SLC45A4: variants seen among roughly 807,000 people sequenced by gnomAD.
SLC45A4 encodes the protein solute carrier family 45 member 4, also known as polyamine-transporter SLC45A4.
Under a neutral mutation model 63.7 loss-of-function variants are expected in SLC45A4, and 32 were observed. The ratio of observed to expected loss-of-function variants is 0.50; its 90% confidence interval spans 0.38 to 0.67. The LOEUF (loss-of-function observed/expected upper bound fraction) is 0.67. Ranked by LOEUF, SLC45A4 falls within the 30% of genes least tolerant of loss-of-function variation. The pLI, the probability that SLC45A4 is intolerant of heterozygous loss-of-function variation, is 0.00. For synonymous variants in SLC45A4, 535 were observed against 510.0 expected (o/e 1.05, Z -0.66); for missense variants, 1,027 against 1,157.7 (o/e 0.89, Z 1.64).
intron 2 of SLC45A4, among the ~76,000 whole-genome samples, chr8:141,253,577 T>C (rs1164479003): frequency 6.6e-6 from 1 of 152,196 alleles, no homozygotes; most frequent in African/African-American, 2.4e-5. Flanking sequence ...AATCAGAGTG[T>C]GGCACAGAAG....
chr8:141,234,361 TC>T (rs770000334), intron 2 of SLC45A4, among the ~76,000 whole-genome samples: 1 of 152,318 alleles, frequency 6.6e-6, no homozygotes, highest in Non-Finnish European at 1.5e-5. Flanking sequence ...CTTGGGCTCT[TC>T]CCAGGACTGA....
Position 141,256,591 on chromosome 8 carries a change from T to C in SLC45A4, c.-400-1962A>G, listed in dbSNP as rs1280147103. The C allele has an allele frequency of 4.4e-6, 2 of 456,158 alleles. No homozygotes were observed. The highest frequency in any genetic ancestry group is 8.8e-6 in the Non-Finnish European group (2 of 226,962). The allele number at this position is 456,158 out of a possible 1,614,324, so 28.3% of individuals were successfully genotyped here. Reference sequence around the variant, plus strand: ...GGAAGGAAGCCGTGCGCCTGGCTCTTACGTCCCAGCTCTTCCCTACATCTT... The same window carrying C: ...GGAAGGAAGCCGTGCGCCTGGCTCTCACGTCCCAGCTCTTCCCTACATCTT... On this transcript the variant is annotated intron_variant, in intron 1 of 8. Coordinates refer to ENST00000517878, the MANE Select transcript of SLC45A4 (RefSeq NM_001286646.2). The surrounding 1 kb of genome is among the most constrained non-coding windows in gnomAD (Gnocchi z 4.3).
At chr8:141,244,655 A>C (rs375237179) in intron 2 of SLC45A4, among the ~76,000 whole-genome samples, 1 of 152,198 alleles carries the variant, frequency 6.6e-6, no homozygotes, top group African/African-American at 2.4e-5. Flanking sequence ...TGTGAGCAGT[A>C]AACAGCTGCA....
At chr8:141,302,768 T>C (rs1055364307) in intron 1 of SLC45A4, among the ~76,000 whole-genome samples, 12 of 152,178 alleles carry the variant, frequency 7.9e-5, no homozygotes, top group Admixed American at 1.3e-4. Context: ...GCAGTCCCCC[T>C]CGCCTCGTGT....
chr8:141,228,632 G>C, intron 2 of SLC45A4: 1 of 1,076,894 alleles, frequency 9.3e-7, no homozygotes, highest in African/African-American at 1.6e-5. Context: ...AAACATCTTT[G>C]TGATGACACA....
chr8:141,222,832 G>A (rs777974783), intron 2 of SLC45A4, among the ~76,000 whole-genome samples: 16 of 152,218 alleles, frequency 1.1e-4, no homozygotes, highest in Non-Finnish European at 1.9e-4. Flanking sequence ...CTTGGCAGGG[G>A]GCAGGGGGCA....
chr8:141,276,505 G>A (rs2154615003), intron 1 of SLC45A4, among the ~76,000 whole-genome samples: 1 of 152,256 alleles, frequency 6.6e-6, no homozygotes, highest in South Asian at 2.1e-4. Context: ...CATGAAAGTG[G>A]CAGGTCCATA....
chr8:141,286,715 C>T (rs1424804486), intron 1 of SLC45A4, among the ~76,000 whole-genome samples: 2 of 151,392 alleles, frequency 1.3e-5, no homozygotes, highest in Non-Finnish European at 2.9e-5. Flanking sequence ...CCCACTTGTT[C>T]GCTTATCAGC....
At chr8:141,240,629 T>C (rs1589801364) in intron 2 of SLC45A4, among the ~76,000 whole-genome samples, 1 of 152,218 alleles carries the variant, frequency 6.6e-6, no homozygotes, top group Admixed American at 6.5e-5. Flanking sequence ...GTCCCAGCAC[T>C]TGGGGAGGTT....
In SLC45A4 at chr8:141,229,439, C is replaced by T. The variant is rs763356506; in HGVS notation, c.242-7674G>A. ...TCTAGAAAACACCAGGCTCACATCC[C>T]GCTCAGAACCTCAGCCACGGCCACT... On this transcript the variant is annotated intron_variant, in intron 2 of 8. Coordinates refer to ENST00000517878, the MANE Select transcript of SLC45A4 (RefSeq NM_001286646.2). The surrounding 1 kb of genome is among the most constrained non-coding windows in gnomAD (Gnocchi z 5.0). Among the ~76,000 whole-genome samples, 16 of 152,244 alleles carry T rather than the reference C, an allele frequency of 1.1e-4. No homozygotes were observed. The highest frequency in any genetic ancestry group is 3.4e-4 in the African/African-American group (14 of 41,558).
chr8:141,307,388 GA>G (rs1563689210), intron 1 of SLC45A4, among the ~76,000 whole-genome samples: 1 of 152,166 alleles, frequency 6.6e-6, no homozygotes, highest in Non-Finnish European at 1.5e-5. Flanking sequence ...TCTTCAAAGG[GA>G]CACAAGGGAG....
chr8:141,282,426 G>T (rs1168265242), intron 1 of SLC45A4, among the ~76,000 whole-genome samples: 1 of 152,158 alleles, frequency 6.6e-6, no homozygotes, highest in East Asian at 1.9e-4. Flanking sequence ...CCGCTGGGCG[G>T]CCCCGCCTCC....
chr8:141,262,906 C>A (rs928806314), intron 1 of SLC45A4, among the ~76,000 whole-genome samples: 3 of 151,380 alleles, frequency 2.0e-5, no homozygotes, highest in Non-Finnish European at 1.5e-5. Flanking sequence ...TATAAAGACA[C>A]ATGCACACAT....
chr8:141,254,749 C>T lies in SLC45A4; in HGVS notation c.-400-120G>A. 1.5e-6 allele frequency: 1 copy of T among 679,804 alleles called. No individual in the cohort carries two copies. The highest frequency in any genetic ancestry group is 2.7e-6 in the Non-Finnish European group (1 of 370,782). The allele number at this position is 679,804 out of a possible 1,614,324, so 42.1% of individuals were successfully genotyped here. A position where few individuals can be genotyped will look rare whatever the true frequency, so the allele number is the denominator to read the frequency against. On this transcript the variant is annotated intron_variant, in intron 1 of 8. Transcript: ENST00000517878. The surrounding 1 kb of genome is among the most constrained non-coding windows in gnomAD (Gnocchi z 4.5). ...CCCGAGGGCCCGACCCAAGATCACA[C>T]AGCTCTCTGCCACTCACTCTGGGTA...
chr8:141,230,342 C>T (rs1313939348), intron 2 of SLC45A4: 15 of 351,326 alleles, frequency 4.3e-5, no homozygotes, highest in Non-Finnish European at 8.4e-5. Context: ...ATCAGAAAGC[C>T]TCTCAGGACA....
rs1321231513 is a variant in SLC45A4 at position 141,278,019 on chromosome 8, C to T, written c.-400-23390G>A. Among the ~76,000 whole-genome samples the T allele has an allele frequency of 6.6e-6, 1 of 152,238 alleles. No homozygotes were observed. Among genetic ancestry groups the T allele is most frequent in the African/African-American group, 2.4e-5 (1 of 41,472 alleles). ...AAATTCCTGGGCTCAAGCAATCCTC[C>T]GGCCTCAGCCTCCCAAGCAGCTGGG... is the stretch of plus-strand genomic sequence containing the variant. On this transcript the variant is annotated intron_variant, in intron 1 of 8. Transcript: ENST00000517878. The surrounding 1 kb of genome is among the most constrained non-coding windows in gnomAD (Gnocchi z 4.1).
chr8:141,288,696 G>A (rs1407491286), intron 1 of SLC45A4, among the ~76,000 whole-genome samples: 1 of 152,250 alleles, frequency 6.6e-6, no homozygotes, highest in African/African-American at 2.4e-5. Flanking sequence ...CACACTGCCT[G>A]AGGTCTGTGC....
intron 1 of SLC45A4, among the ~76,000 whole-genome samples, chr8:141,259,263 C>T (rs1408060863): frequency 6.6e-6 from 1 of 152,254 alleles, no homozygotes; most frequent in African/African-American, 2.4e-5. Context: ...GCTCAGCAGG[C>T]TGAGGGGCCA....
chr8:141,274,897 T>A (rs2154614983), intron 1 of SLC45A4, among the ~76,000 whole-genome samples: 1 of 152,312 alleles, frequency 6.6e-6, no homozygotes, highest in African/African-American at 2.4e-5. Context: ...CAACAGGGGT[T>A]CACCACAAGG....
Sources: gnomAD v4.1 joint callset for allele counts (sites outside exome capture counted in the v4.1 genomes callset) on GRCh38, gnomAD v4.1.1 for gene constraint, Gnocchi (gnomAD v3.1) non-coding constraint, MANE v1.5 for transcripts, NCBI Gene and HGNC (gene_info 2026-07-23, HGNC 2026-07-21) for gene names.